GBE1: variants seen among roughly 807,000 people sequenced by gnomAD.
GBE1 encodes 1,4-alpha-glucan branching enzyme 1.
In GBE1, 70 loss-of-function variants were observed where a neutral mutation model predicts 88.8. That is an observed-to-expected ratio of 0.79 (90% confidence interval 0.65 to 0.96). The LOEUF (loss-of-function observed/expected upper bound fraction) is 0.96, where lower values mean the gene tolerates loss of function less well. Among genes scored for constraint, GBE1 ranks in the 40% least tolerant of loss-of-function variants. GBE1 has a pLI of 0.00. For synonymous variants in GBE1, 284 were observed against 300.1 expected (o/e 0.95, Z 0.56); for missense variants, 872 against 871.0 (o/e 1.00, Z -0.01).
At chr3:81,652,554 T>C (rs528881342) in intron 3 of GBE1, among the ~76,000 whole-genome samples, 1 of 152,342 alleles carries the variant, frequency 6.6e-6, no homozygotes, top group South Asian at 2.1e-4. Context: ...TGCAACCAAC[T>C]GTTAAGGAGA....
chr3:81,759,997 A>G (rs563703014), intron 1 of GBE1, among the ~76,000 whole-genome samples: 30 of 152,266 alleles, frequency 2.0e-4, no homozygotes, highest in African/African-American at 7.0e-4. Flanking sequence ...TTTAATCACT[A>G]TCTTTTGTTC....
rs889692773 is a variant in GBE1 at position 81,533,697 on chromosome 3, T to A, written c.1934+1498A>T. Reference sequence around the variant, plus strand: ...GCCACTCATGTTAATATCATTCTTCTTCCTAGAAAATTTTTCTGGGAGATG... The same window carrying A: ...GCCACTCATGTTAATATCATTCTTCATCCTAGAAAATTTTTCTGGGAGATG... On this transcript the variant is annotated intron_variant, in intron 14 of 15. Coordinates refer to ENST00000429644, the MANE Select transcript of GBE1 (RefSeq NM_000158.4). Among the ~76,000 whole-genome samples the A allele has an allele frequency of 5.3e-5, 8 of 152,142 alleles. No individual in the cohort carries two copies. In the South Asian group the frequency reaches 1.7e-3, roughly 31 times the overall value.
Position 81,719,139 on chromosome 3 carries a change from CACTT to C in GBE1, c.144-13530_144-13527del, listed in dbSNP as rs556255053. ...TCACTTGAAAAACATTAAAATGTAT[CACTT>C]ACAGTAAGTGAACAAATTCACAAAG... is the stretch of plus-strand genomic sequence containing the variant. On this transcript the variant is annotated intron_variant, in intron 1 of 15. Coordinates refer to ENST00000429644, the MANE Select transcript of GBE1 (RefSeq NM_000158.4). Among the ~76,000 whole-genome samples the C allele has an allele frequency of 1.7e-4, 26 of 152,286 alleles. No homozygotes were observed. The South Asian group carries it at 2.9e-3, about 17-fold the overall frequency.
chr3:81,601,230 T>C (rs1215103478), intron 7 of GBE1, among the ~76,000 whole-genome samples: 1 of 152,090 alleles, frequency 6.6e-6, no homozygotes, highest in Non-Finnish European at 1.5e-5. Flanking sequence ...CCTCATTTAA[T>C]AAGGCTGTGA....
At chr3:81,499,408 C>G (rs1319443339) in intron 14 of GBE1, among the ~76,000 whole-genome samples, 181 bp from the exon 15 acceptor site, 1 of 152,186 alleles carries the variant, frequency 6.6e-6, no homozygotes, top group Non-Finnish European at 1.5e-5. Flanking sequence ...ATCTACTGCA[C>G]ACACTCATGA....
chr3:81,623,102 G>A (rs1704354975), intron 7 of GBE1, among the ~76,000 whole-genome samples: 1 of 152,090 alleles, frequency 6.6e-6, no homozygotes, highest in African/African-American at 2.4e-5. Context: ...ATCAAACACA[G>A]AATAAACTGA....
At position 81,623,270 on chromosome 3, in the gene GBE1, C is replaced by A. The variant is rs756433164; in HGVS notation, c.992+19511G>T. 3.9e-4 allele frequency among the ~76,000 whole-genome samples: 60 copies of A among 152,342 alleles called. 1 individual carries two copies. Among genetic ancestry groups the A allele is most frequent in the Middle Eastern group, 3.4e-3 (1 of 294 alleles). ...AAACACACCAACCCCACTGCCCCTGCAGGGACTTCACAATTGCTTTTCTCC... is the reference window on the plus strand; with the variant it reads ...AAACACACCAACCCCACTGCCCCTGAAGGGACTTCACAATTGCTTTTCTCC... On this transcript the variant is annotated intron_variant, in intron 7 of 15. Transcript: ENST00000429644.
chr3:81,686,351 A>C (rs1008843245), intron 2 of GBE1, among the ~76,000 whole-genome samples: 15 of 152,160 alleles, frequency 9.9e-5, no homozygotes, highest in Non-Finnish European at 7.4e-5. Flanking sequence ...GCGGGAGGGA[A>C]GGAAGGTAAA....
intron 1 of GBE1, among the ~76,000 whole-genome samples, chr3:81,758,022 A>G (rs1706627003): frequency 6.6e-6 from 1 of 152,236 alleles, no homozygotes; most frequent in African/African-American, 2.4e-5. Context: ...ATAGTCCAAC[A>G]TGTACAATGC....
At chr3:81,623,225 C>T (rs747277590) in intron 7 of GBE1, among the ~76,000 whole-genome samples, 33 of 152,114 alleles carry the variant, frequency 2.2e-4, no homozygotes, top group Non-Finnish European at 4.6e-4. Context: ...TACCAATCTA[C>T]ATCTCCCTGG....
Position 81,535,947 on chromosome 3 carries a change from G to C in GBE1, c.1804-622C>G, listed in dbSNP as rs373764754. Among the ~76,000 whole-genome samples the C allele has an allele frequency of 7.2e-5, 11 of 151,860 alleles. No homozygotes were observed. The East Asian group carries it at 1.2e-3, about 16-fold the overall frequency. ...TTACAGTTGGCTGTGAAAAGCCTTGGCTTTTTCAACACCACCCTCACTCAG... is the reference window on the plus strand; with the variant it reads ...TTACAGTTGGCTGTGAAAAGCCTTGCCTTTTTCAACACCACCCTCACTCAG... On this transcript the variant is annotated intron_variant, in intron 13 of 15. Coordinates refer to ENST00000429644, the MANE Select transcript of GBE1 (RefSeq NM_000158.4).
At chr3:81,605,501 T>C (rs950299006) in intron 7 of GBE1, among the ~76,000 whole-genome samples, 13 of 152,176 alleles carry the variant, frequency 8.5e-5, no homozygotes. Context: ...ACAGTGCATA[T>C]TTATGACAGT....
intron 1 of GBE1, among the ~76,000 whole-genome samples, chr3:81,718,936 A>C (rs1467025934): frequency 2.6e-5 from 4 of 151,866 alleles, no homozygotes; most frequent in Non-Finnish European, 5.9e-5. Context: ...CGCCCTGCCC[A>C]CCCCAGTAAG....
At chr3:81,700,292 C>T (rs1248708678) in intron 2 of GBE1, among the ~76,000 whole-genome samples, 9 of 152,136 alleles carry the variant, frequency 5.9e-5, no homozygotes, top group Non-Finnish European at 1.2e-4. Flanking sequence ...GAACCAGAAA[C>T]GGCTTCCAAC....
rs533464091 is a variant in GBE1 at position 81,561,163 on chromosome 3, T to A, written c.1618+16762A>T. Among the ~76,000 whole-genome samples the A allele has an allele frequency of 3.3e-5, 5 of 152,154 alleles. No homozygotes were observed. In the East Asian group the frequency reaches 5.8e-4, roughly 18 times the overall value. On this transcript the variant is annotated intron_variant, in intron 12 of 15. Transcript: ENST00000429644. ...AAAAAAAATTACAGATGATAACGTATAAAGTGTTACACCTATACTACCTTA... is the reference window on the plus strand; with the variant it reads ...AAAAAAAATTACAGATGATAACGTAAAAAGTGTTACACCTATACTACCTTA...
At chr3:81,559,151 G>A (rs1703387676) in intron 12 of GBE1, among the ~76,000 whole-genome samples, 1 of 152,060 alleles carries the variant, frequency 6.6e-6, no homozygotes, top group Non-Finnish European at 1.5e-5. Context: ...CAATGCCAAT[G>A]TAAGGAACAA....
rs11404629 is a variant in GBE1 at position 81,612,220 on chromosome 3, TAAAAAAA to T, written c.993-18204_993-18198del. On this transcript the variant is annotated intron_variant, in intron 7 of 15. Coordinates refer to ENST00000429644, the MANE Select transcript of GBE1 (RefSeq NM_000158.4). ...TTACAGTGTTAAATCCACGCTCCTT[TAAAAAAA>T]AAAAAAAAAAAAAAAACTTAAAGAA... 1,134 of 241,720 alleles carry T rather than the reference TAAAAAAA, an allele frequency of 4.7e-3. 6 individuals carry two copies. The highest frequency in any genetic ancestry group is 0.024 in the African/African-American group (754 of 31,240). 15.0% of individuals were successfully genotyped at this position (241,720 alleles called of 1,614,324 possible). A position where few individuals can be genotyped will look rare whatever the true frequency, so the allele number is the denominator to read the frequency against.
At chr3:81,649,043 A>G in intron 4 of GBE1, 52 bp from the exon 5 acceptor site, 1 of 1,194,314 alleles carries the variant, frequency 8.4e-7, no homozygotes, top group Non-Finnish European at 1.2e-6. Context: ...CTGGTATGAC[A>G]CTACCTGATC....
chr3:81,490,481 T>C lies in GBE1; in HGVS notation c.2053-18A>G. 2.5e-6 allele frequency: 4 copies of C among 1,604,440 alleles called. No individual in the cohort carries two copies. The highest frequency in any genetic ancestry group is 3.4e-6 in the Non-Finnish European group (4 of 1,172,674). On this transcript the variant is annotated intron_variant, in intron 15 of 15. Coordinates refer to ENST00000429644, the MANE Select transcript of GBE1 (RefSeq NM_000158.4). ...ATGTACACCTACGTCAAAACAATTATGTCAGTGCAATTGAAGAAAGTACCA... is the reference window on the plus strand; with the variant it reads ...ATGTACACCTACGTCAAAACAATTACGTCAGTGCAATTGAAGAAAGTACCA...
Sources: gnomAD v4.1 joint callset for allele counts (sites outside exome capture counted in the v4.1 genomes callset) on GRCh38, gnomAD v4.1.1 for gene constraint, MANE v1.5 for transcripts, NCBI Gene and HGNC (gene_info 2026-07-23, HGNC 2026-07-21) for gene names.